Variants in BIRC6 observed in about 807,000 individuals in gnomAD.
BIRC6 encodes dual E2 ubiquitin-conjugating enzyme/E3 ubiquitin-protein ligase BIRC6.
In BIRC6, 98 loss-of-function variants were observed where a neutral mutation model predicts 503.3. The ratio of observed to expected loss-of-function variants is 0.19; its 90% CI spans 0.17 to 0.23. The LOEUF (loss-of-function observed/expected upper bound fraction) is 0.23, where lower values mean the gene tolerates loss of function less well. Ranked by LOEUF, BIRC6 falls within the 10% of genes least tolerant of loss-of-function variation. The probability of loss-of-function intolerance (pLI) is 1.00; values close to 1 mark genes in which losing one functional copy is unlikely to be tolerated. For missense variants in BIRC6, 5,360 were observed against 5,806.0 expected (o/e 0.92, Z 2.50); for synonymous variants, 2,240 against 2,078.7 (o/e 1.08, Z -2.11).
intron 6 of BIRC6, among the ~76,000 whole-genome samples, chr2:32,399,408 G>T (rs1303044349): frequency 1.3e-5 from 2 of 152,118 alleles, no homozygotes; most frequent in South Asian, 2.1e-4. Context: ...TAGATACGGG[G>T]TCTTGCTATA....
At chr2:32,468,251 A>G (rs1465060091) in intron 28 of BIRC6, 140 bp downstream of exon 28, 9 of 998,912 alleles carry the variant, frequency 9.0e-6, no homozygotes, top group South Asian at 3.4e-5. Context: ...GCACGTTACA[A>G]TAACACTTAA....
At chr2:32,574,245 C>T (rs1360219342) in intron 65 of BIRC6, among the ~76,000 whole-genome samples, 2 of 148,478 alleles carry the variant, frequency 1.3e-5, no homozygotes, top group Admixed American at 6.8e-5. Flanking sequence ...TCCCCAGTTG[C>T]AGGGACTACA....
At position 32,537,934 on chromosome 2, in the gene BIRC6, T is replaced by C. The variant is rs575607451; in HGVS notation, c.12292-5307T>C. Reference sequence around the variant, plus strand: ...GTGAGCCAAGATCGCACCACTGCACTCCAGCCTGGGCGACAGCGAGACTCC... The same window carrying C: ...GTGAGCCAAGATCGCACCACTGCACCCCAGCCTGGGCGACAGCGAGACTCC... On this transcript the variant is annotated intron_variant, in intron 61 of 73. Coordinates refer to ENST00000421745, the MANE Select transcript of BIRC6 (RefSeq NM_016252.4). Among the ~76,000 whole-genome samples, 4 of 150,088 alleles carry C rather than the reference T, an allele frequency of 2.7e-5. No individual in the cohort carries two copies. In the South Asian group the frequency reaches 8.4e-4, roughly 32 times the overall value.
At chr2:32,550,904 T>C (rs141351300) in intron 65 of BIRC6, among the ~76,000 whole-genome samples, 1 of 152,138 alleles carries the variant, frequency 6.6e-6, no homozygotes, top group Non-Finnish European at 1.5e-5. Context: ...TTTAGAAATT[T>C]AATGTGACAG....
chr2:32,530,547 G>C (rs1466236549), intron 60 of BIRC6, among the ~76,000 whole-genome samples: 2 of 152,026 alleles, frequency 1.3e-5, no homozygotes, highest in African/African-American at 4.8e-5. Context: ...ATCCATTTTT[G>C]AATTGGCTAT....
chr2:32,563,403 G>A (rs939597192), intron 65 of BIRC6: 3 of 152,050 alleles, frequency 2.0e-5, no homozygotes, highest in African/African-American at 7.2e-5. Context: ...AATAGGGAAG[G>A]TTTTTTCTAA....
chr2:32,473,339 T>A, intron 33 of BIRC6, 100 bp downstream of exon 33: 1 of 982,192 alleles, frequency 1.0e-6, no homozygotes, highest in Non-Finnish European at 1.5e-6. Context: ...TAACATTTAA[T>A]GGGCTCTTAG....
At position 32,503,170 on chromosome 2, in the gene BIRC6, T is replaced by C. The variant is rs1350885065; in HGVS notation, c.9433T>C (p.Leu3145=). 7 of 1,613,240 alleles carry C rather than the reference T, an allele frequency of 4.3e-6. No individual in the cohort carries two copies. In the Admixed American group the frequency reaches 6.7e-5, roughly 15 times the overall value. ...TCCAAATAAAGCTGTTGACAGCACA[T>C]TGAAAACAAGAATACTAGCTTCTGA... ...SGPNKAVDST[L]KTRILASEPD... Residue 3145 remains leucine (L), a synonymous_variant, in exon 49 of 74, where the codon TTG becomes CTG. Coordinates refer to ENST00000421745, the MANE Select transcript of BIRC6 (RefSeq NM_016252.4).
At chr2:32,573,419 C>G (rs1355102155) in intron 65 of BIRC6, among the ~76,000 whole-genome samples, 1 of 152,128 alleles carries the variant, frequency 6.6e-6, no homozygotes, top group Non-Finnish European at 1.5e-5. Context: ...TGGTCTCGAA[C>G]TCCTGACCCC....
At chr2:32,440,896 G>A (rs1482550901) in intron 16 of BIRC6, among the ~76,000 whole-genome samples, 4 of 151,828 alleles carry the variant, frequency 2.6e-5, no homozygotes, top group African/African-American at 9.7e-5. Flanking sequence ...CCAAGTAGTG[G>A]GATTAAAGGC....
At position 32,515,123 on chromosome 2, in the gene BIRC6, C is replaced by A; in HGVS notation, c.10702C>A (p.Pro3568Thr). ...GCTCATGGGCTGGATGGGAATTACC[C>A]CTCCTCCAGTGCAATGTCATCATAG... ...SLLMGWMGIT[P>T]PPVQCHHRLS... Residue 3568 changes from proline (P) to threonine (T), a missense_variant, in exon 55 of 74, where the codon CCT becomes ACT. Pro to Thr is a conservative substitution (Grantham distance 38). Coordinates refer to ENST00000421745, the MANE Select transcript of BIRC6 (RefSeq NM_016252.4). 6.2e-7 allele frequency: 1 copy of A among 1,613,928 alleles called. No homozygotes were observed. The highest frequency in any genetic ancestry group is 8.5e-7 in the Non-Finnish European group (1 of 1,179,872).
rs375147219 is a variant in BIRC6, at chr2:32,406,620, A to C, written c.1477+63A>C. On this transcript the variant is annotated intron_variant, in intron 9 of 73. Transcript: ENST00000421745. ...CTTTACACAGTTGTGCATACAGCTA[A>C]CTACCACTTAATTCTGAATTTCTTA... 2.0e-5 allele frequency: 22 copies of C among 1,104,874 alleles called. No homozygotes were observed. The African/African-American group carries it at 3.3e-4, about 17-fold the overall frequency. 68.4% of individuals were successfully genotyped at this position (1,104,874 alleles called of 1,614,324 possible). A position where few individuals can be genotyped will look rare whatever the true frequency, so the allele number is the denominator to read the frequency against.
intron 37 of BIRC6, among the ~76,000 whole-genome samples, chr2:32,480,307 G>T (rs144671775): frequency 1.3e-5 from 2 of 152,130 alleles, no homozygotes; most frequent in East Asian, 3.9e-4. Context: ...CTTCCCTTGC[G>T]CTCTCAAATA....
rs1405234585 is a variant in BIRC6 at position 32,478,659 on chromosome 2, A to G, written c.7093A>G (p.Thr2365Ala). ...CKVLARIANA[T>A]RPTIHLCEIV... ...GGTTCTTGCACGCATTGCAAATGCC[A>G]CGAGGCCAACTATTCATCTGTGTGA... The change falls in exon 36 of 74, where the codon ACG becomes GCG. Residue 2365 changes from threonine (T) to alanine (A), a missense_variant. Coordinates refer to ENST00000421745, the MANE Select transcript of BIRC6 (RefSeq NM_016252.4). 2 of 1,612,130 alleles carry G rather than the reference A, an allele frequency of 1.2e-6. No homozygotes were observed. Among genetic ancestry groups the G allele is most frequent in the African/African-American group, 2.7e-5 (2 of 74,854 alleles).
intron 61 of BIRC6, among the ~76,000 whole-genome samples, chr2:32,534,374 C>CAAAAAAAAA: frequency 1.1e-5 from 1 of 92,598 alleles, no homozygotes; most frequent in Non-Finnish European, 2.1e-5. Context: ...AATTCCATCT[C>CAAAAAAAAA]AAAAAAAAAA....
chr2:32,473,641 G>A (rs967978669), intron 33 of BIRC6, among the ~76,000 whole-genome samples: 5 of 148,980 alleles, frequency 3.4e-5, no homozygotes, highest in East Asian at 3.9e-4. Flanking sequence ...TTCATCTTCT[G>A]CCCCTCTATC....
chr2:32,452,594 CT>C (rs2046842317), intron 22 of BIRC6, among the ~76,000 whole-genome samples: 1 of 152,090 alleles, frequency 6.6e-6, no homozygotes, highest in African/African-American at 2.4e-5. Flanking sequence ...TTCTGCATGG[CT>C]TTTCTGCCAC....
intron 8 of BIRC6, among the ~76,000 whole-genome samples, chr2:32,406,269 G>A (rs1448678812): frequency 3.3e-5 from 5 of 151,982 alleles, no homozygotes; most frequent in Non-Finnish European, 7.4e-5. Flanking sequence ...GGTGGCGTGT[G>A]CCTGTGGTCC....
intron 20 of BIRC6, among the ~76,000 whole-genome samples, chr2:32,445,106 CA>C (rs1391504140): frequency 6.6e-6 from 1 of 152,150 alleles, no homozygotes; most frequent in African/African-American, 2.4e-5. Context: ...CACTGCCATC[CA>C]CTATTTTTTA....
Sources: allele counts gnomAD v4.1 joint callset (sites outside exome capture counted in the v4.1 genomes callset), GRCh38; gene constraint gnomAD v4.1.1; transcripts MANE v1.5; gene names NCBI Gene and HGNC (gene_info 2026-07-23, HGNC 2026-07-21).